Variants in ROBO2 observed in about 807,000 individuals in gnomAD.
The protein encoded by ROBO2 is roundabout guidance receptor 2.
Under a neutral mutation model 160.8 loss-of-function variants are expected in ROBO2, and 53 were observed. The observed-to-expected ratio is 0.33, with a 90% CI of 0.26 to 0.41. The LOEUF is 0.41. ROBO2 is among the 10% of genes least tolerant of loss of function. ROBO2 has a pLI of 1.00. For synonymous variants in ROBO2, 664 were observed against 611.7 expected (o/e 1.09, Z -1.26); for missense variants, 1,577 against 1,722.4 (o/e 0.92, Z 1.49).
Position 76,239,436 on chromosome 3 carries a change from T to A in ROBO2, c.109+301834T>A, listed in dbSNP as rs189943057. On this transcript the variant is annotated intron_variant, in intron 2 of 26. Coordinates refer to the ROBO2 transcript ENST00000487694. ...AGTATGTATACAGACACATGCACAA[T>A]TTTTTAAGAGAAGTTGCCTTGATGA... is the stretch of plus-strand genomic sequence containing the variant. Among the ~76,000 whole-genome samples the A allele has an allele frequency of 1.1e-4, 16 of 152,104 alleles. No individual in the cohort carries two copies. In the East Asian group the frequency reaches 2.9e-3, roughly 28 times the overall value.
rs1392915679 is a variant in ROBO2 at position 77,098,350 on chromosome 3, C to A, written c.388+10C>A. The stretch of plus-strand genomic sequence containing the variant: ...TCTCTGGAAGTGGCATGTAAGTGAA[C>A]ATAATGAACCTCATGTGCACATTTA... On this transcript the variant is annotated intron_variant, in intron 2 of 25. Transcript: ENST00000461745. 3 of 1,612,990 alleles carry A rather than the reference C, an allele frequency of 1.9e-6. No individual in the cohort carries two copies. Among genetic ancestry groups the A allele is most frequent in the Non-Finnish European group, 2.5e-6 (3 of 1,178,958 alleles).
intron 16 of ROBO2, among the ~76,000 whole-genome samples, chr3:77,586,090 C>T (rs546526742): frequency 2.6e-5 from 4 of 152,208 alleles, no homozygotes; most frequent in South Asian, 2.1e-4. Context: ...AAATGTAACA[C>T]GCTGCCTTAC....
chr3:76,615,129 A>C (rs977239693), intron 2 of ROBO2, among the ~76,000 whole-genome samples: 1 of 152,154 alleles, frequency 6.6e-6, no homozygotes, highest in African/African-American at 2.4e-5. Flanking sequence ...TACTAAAATT[A>C]AGTGGGATAG....
chr3:76,760,859 AT>A (rs1213776194), intron 2 of ROBO2, among the ~76,000 whole-genome samples: 2 of 151,786 alleles, frequency 1.3e-5, no homozygotes, highest in African/African-American at 4.8e-5. Flanking sequence ...AATGCAAAAA[AT>A]ATTTCATATT....
At chr3:76,472,112 T>TGTGTGTGC (rs1439741399) in intron 2 of ROBO2, among the ~76,000 whole-genome samples, 37 of 84,514 alleles carry the variant, frequency 4.4e-4, no homozygotes, top group African/African-American at 1.1e-3. Context: ...CGCGTGTGCG[T>TGTGTGTGC]GCGCATGTGT....
intron 2 of ROBO2, among the ~76,000 whole-genome samples, chr3:76,438,403 AATC>A (rs139531818): frequency 0.064 from 9,159 of 143,312 alleles, 950 homozygotes; most frequent in African/African-American, 0.23. Context: ...TTTTTAATGT[AATC>A]AGTTCACACA....
At chr3:76,364,732 T>C (rs2075714129) in intron 2 of ROBO2, among the ~76,000 whole-genome samples, 1 of 152,124 alleles carries the variant, frequency 6.6e-6, no homozygotes, top group South Asian at 2.1e-4. Context: ...GTGACTATTC[T>C]GAGACCTGCA....
chr3:76,785,914 T>C (rs2062943632), intron 2 of ROBO2, among the ~76,000 whole-genome samples: 1 of 151,304 alleles, frequency 6.6e-6, no homozygotes, highest in Non-Finnish European at 1.5e-5. Context: ...TTGTTCTAAG[T>C]TTTTATATGT....
chr3:77,378,984 G>T (rs2073071759), intron 2 of ROBO2, among the ~76,000 whole-genome samples: 1 of 148,334 alleles, frequency 6.7e-6, no homozygotes. Flanking sequence ...TTTCGCTCTT[G>T]TTGCCCAGGC....
chr3:76,209,792 T>C (rs1703030540), intron 2 of ROBO2, among the ~76,000 whole-genome samples: 1 of 152,154 alleles, frequency 6.6e-6, no homozygotes, highest in Admixed American at 6.6e-5. Flanking sequence ...AGAATAAACA[T>C]GGTCAACAAT....
At chr3:76,530,131 A>G (rs1164787021) in intron 2 of ROBO2, among the ~76,000 whole-genome samples, 2 of 152,144 alleles carry the variant, frequency 1.3e-5, no homozygotes, top group Non-Finnish European at 2.9e-5. Flanking sequence ...CTGCACCTGC[A>G]TGTCTACCTT....
intron 2 of ROBO2, among the ~76,000 whole-genome samples, chr3:76,074,650 T>G (rs1345379057): frequency 6.6e-6 from 1 of 152,166 alleles, no homozygotes; most frequent in East Asian, 1.9e-4. Flanking sequence ...ATCCATATGT[T>G]AGGTTAAATA....
At chr3:77,102,435 C>T (rs2072091257) in intron 2 of ROBO2, among the ~76,000 whole-genome samples, 1 of 152,108 alleles carries the variant, frequency 6.6e-6, no homozygotes, top group Non-Finnish European at 1.5e-5. Flanking sequence ...TGGAAATATT[C>T]CTCAGGAGAG....
At chr3:76,042,239 G>A (rs2067296104) in intron 2 of ROBO2, among the ~76,000 whole-genome samples, 2 of 151,920 alleles carry the variant, frequency 1.3e-5, no homozygotes. Context: ...GAAATGAAAT[G>A]AATAAAGTAC....
At chr3:76,395,752 T>A (rs1052790504) in intron 2 of ROBO2, among the ~76,000 whole-genome samples, 3 of 152,012 alleles carry the variant, frequency 2.0e-5, no homozygotes, top group Non-Finnish European at 4.4e-5. Flanking sequence ...GACACATACA[T>A]TCTCCCAAGA....
intron 2 of ROBO2, among the ~76,000 whole-genome samples, chr3:76,664,395 A>G (rs968848377): frequency 2.6e-5 from 4 of 152,160 alleles, no homozygotes; most frequent in Non-Finnish European, 5.9e-5. Flanking sequence ...CTACTTACTA[A>G]CTGAGCTTGA....
intron 2 of ROBO2, among the ~76,000 whole-genome samples, chr3:76,516,126 T>C (rs2081336974): frequency 6.6e-6 from 1 of 152,116 alleles, no homozygotes; most frequent in Non-Finnish European, 1.5e-5. Context: ...AAAATTCCAT[T>C]TGTGCAATTT....
At chr3:77,349,456 A>G (rs1285067981) in intron 2 of ROBO2, among the ~76,000 whole-genome samples, 5 of 152,196 alleles carry the variant, frequency 3.3e-5, no homozygotes, top group African/African-American at 1.2e-4. Context: ...CTGGAAATAA[A>G]GAAATAAGAT....
In ROBO2 at chr3:76,775,742, A is replaced by T. The variant is rs2062207322; in HGVS notation, c.110-322272A>T. ...CTATTTCATGGAATACATCGATGTT[A>T]TTTAATTGTTCACTCTTACTAAGCC... is the stretch of plus-strand genomic sequence containing the variant. On this transcript the variant is annotated intron_variant, in intron 2 of 26. Coordinates refer to the ROBO2 transcript ENST00000487694. Among the ~76,000 whole-genome samples, 2 of 72,244 alleles carry T rather than the reference A, an allele frequency of 2.8e-5. 1 individual carries two copies. Among genetic ancestry groups the T allele is most frequent in the South Asian group, 1.0e-3 (2 of 1,950 alleles). 47.4% of individuals were successfully genotyped at this position (72,244 alleles called of 152,430 possible). A position where few individuals can be genotyped will look rare whatever the true frequency, so the allele number is the denominator to read the frequency against.
Sources: gnomAD v4.1 joint callset for allele counts (sites outside exome capture counted in the v4.1 genomes callset) on GRCh38, gnomAD v4.1.1 for gene constraint, MANE v1.5 for transcripts, NCBI Gene and HGNC (gene_info 2026-07-23, HGNC 2026-07-21) for gene names.